FGD4: variants seen among roughly 807,000 people sequenced by gnomAD.
The protein encoded by FGD4 is FYVE, RhoGEF and PH domain containing 4, also known as FYVE, RhoGEF and PH domain-containing protein 4.
FGD4 carries 42 observed loss-of-function variants against 102.0 expected under a neutral mutation model. The ratio of observed to expected loss-of-function variants is 0.41; its 90% confidence interval spans 0.32 to 0.53. The LOEUF (loss-of-function observed/expected upper bound fraction) is 0.53, where lower values mean the gene tolerates loss of function less well. FGD4 is among the 20% of genes least tolerant of loss of function. The probability of loss-of-function intolerance (pLI) is 0.21; values close to 1 mark genes in which losing one functional copy is unlikely to be tolerated. For synonymous variants in FGD4, 380 were observed against 375.7 expected, an observed-to-expected ratio of 1.01 and a Z score of -0.13; for missense variants, 902 against 1,078.2, an observed-to-expected ratio of 0.84 and a Z score of 2.29.
chr12:32,481,127 CAAAAAAAAAAAAAAAAAA>C (rs1157108520), intron 1 of FGD4, among the ~76,000 whole-genome samples: 1 of 27,360 alleles, frequency 3.7e-5, no homozygotes, highest in African/African-American at 1.8e-4. Flanking sequence ...GACTCCGTCT[CAAAAAAAAAAAAAAAAAA>C]AAAAAAAAAA....
intron 2 of FGD4, among the ~76,000 whole-genome samples, chr12:32,572,691 A>G (rs1159328524): frequency 1.3e-5 from 2 of 152,194 alleles, no homozygotes; most frequent in African/African-American, 4.8e-5. Context: ...TGTCTATTTG[A>G]TAAAATTGTA....
chr12:32,527,957 C>G (rs1565806183), intron 1 of FGD4, among the ~76,000 whole-genome samples: 4 of 151,528 alleles, frequency 2.6e-5, no homozygotes, highest in African/African-American at 9.8e-5. Context: ...TTTCCTTTTT[C>G]TTTTTTCTTT....
intron 1 of FGD4, among the ~76,000 whole-genome samples, chr12:32,469,683 G>A (rs945439843): frequency 6.7e-6 from 1 of 148,944 alleles, no homozygotes; most frequent in Non-Finnish European, 1.5e-5. Flanking sequence ...TTTTGAGACG[G>A]AGTTTTGCTC....
intron 1 of FGD4, among the ~76,000 whole-genome samples, chr12:32,559,625 A>G (rs1944382005): frequency 6.6e-6 from 1 of 152,238 alleles, no homozygotes; most frequent in Non-Finnish European, 1.5e-5. Context: ...ATAGATGCAC[A>G]GTTGATCTCT....
intron 1 of FGD4, among the ~76,000 whole-genome samples, chr12:32,485,465 G>T (rs1443206700): frequency 1.7e-5 from 2 of 114,974 alleles, no homozygotes; most frequent in Non-Finnish European, 3.4e-5. Context: ...TTTTGAGACA[G>T]AGACTCGCCC....
chr12:32,563,989 T>C, intron 1 of FGD4, 148 bp from the exon 2 acceptor site: 1 of 730,916 alleles, frequency 1.4e-6, no homozygotes, highest in Non-Finnish European at 2.0e-6. Context: ...AGGGAGACCG[T>C]GGAAAGAGAG....
chr12:32,554,585 TA>T (rs1943946768), intron 1 of FGD4, among the ~76,000 whole-genome samples: 1 of 152,012 alleles, frequency 6.6e-6, no homozygotes, highest in South Asian at 2.1e-4. Context: ...AAACTGACAA[TA>T]AACAATAAAA....
chr12:32,564,260 A>C lies in FGD4; in HGVS notation c.290A>C (p.Lys97Thr). The C allele has an allele frequency of 6.5e-7, 1 of 1,536,042 alleles. No homozygotes were observed. The highest frequency in any genetic ancestry group is 8.7e-7 in the Non-Finnish European group (1 of 1,146,880). The stretch of plus-strand genomic sequence containing the variant: ...GGAATAAATGGGAACAGGCCAGCAA[A>C]ACACTCAGCTGCAAGTCCAAAGCCA... Reference protein sequence around the residue: ...AQGINGNRPAKHSAASPKPQV... With the variant: ...AQGINGNRPATHSAASPKPQV... Residue 97 changes from lysine (K) to threonine (T), a missense_variant, in exon 2 of 17, where the codon AAA becomes ACA. Physicochemically the swap from Lys to Thr is moderately conservative, Grantham distance 78 (BLOSUM62 -1). Around this residue, in one of 2 missense-constraint regions of FGD4, gnomAD observed 443 missense variants for 459.2 expected, o/e 0.96. Transcript: ENST00000534526.
intron 1 of FGD4, among the ~76,000 whole-genome samples, chr12:32,434,921 C>T (rs185116747): frequency 1.4e-3 from 207 of 151,742 alleles, no homozygotes; most frequent in African/African-American, 4.9e-3. Context: ...GGAGCAGCTT[C>T]GCTTCATTTC....
In FGD4 at chr12:32,480,503, G is replaced by GT. The variant is rs537133764; in HGVS notation, c.166+80551dup. Among the ~76,000 whole-genome samples the GT allele has an allele frequency of 2.7e-4, 41 of 149,308 alleles. No homozygotes were observed. In the East Asian group the frequency reaches 3.8e-3, roughly 14 times the overall value. ...TCTTTTTTCTTTTCTTTCTTTCTTT[G>GT]TTTTTTTCGTTTTTTTGAGACGGAG... On this transcript the variant is annotated intron_variant, in intron 1 of 16. Transcript: ENST00000534526.
At chr12:32,548,360 G>A (rs921202140) in intron 1 of FGD4, among the ~76,000 whole-genome samples, 25 of 152,114 alleles carry the variant, frequency 1.6e-4, no homozygotes, top group Admixed American at 9.2e-4. Flanking sequence ...ATATCTTTTC[G>A]CTACTTAGAA....
intron 1 of FGD4, among the ~76,000 whole-genome samples, chr12:32,555,815 C>G (rs11052066): frequency 0.34 from 51,525 of 151,402 alleles, 10,555 homozygotes; most frequent in African/African-American, 0.57. Context: ...CATGATTCAC[C>G]TGCCTCAGCC....
intron 7 of FGD4, among the ~76,000 whole-genome samples, chr12:32,602,530 C>T (rs540278799): frequency 1.3e-5 from 2 of 152,232 alleles, no homozygotes; most frequent in African/African-American, 4.8e-5. Context: ...GCTTTTGAGA[C>T]CAGCAGAGGA....
At chr12:32,428,651 A>C (rs973487981) in intron 1 of FGD4, among the ~76,000 whole-genome samples, 1 of 152,146 alleles carries the variant, frequency 6.6e-6, no homozygotes, top group Non-Finnish European at 1.5e-5. Context: ...TAATATCCTG[A>C]AGAGTGTTTT....
chr12:32,627,405 C>T (rs180904845), intron 14 of FGD4, among the ~76,000 whole-genome samples: 133 of 152,290 alleles, frequency 8.7e-4, no homozygotes, highest in African/African-American at 3.2e-3. Flanking sequence ...CTGCCCACCT[C>T]GGCCTCCCAA....
At chr12:32,467,841 C>A (rs1038337287) in intron 1 of FGD4, among the ~76,000 whole-genome samples, 1 of 151,982 alleles carries the variant, frequency 6.6e-6, no homozygotes, top group Admixed American at 6.6e-5. Context: ...CGTGGTGAAA[C>A]CCTGTCTCTA....
intron 1 of FGD4, among the ~76,000 whole-genome samples, chr12:32,401,832 T>G (rs1006113278): frequency 2.0e-5 from 3 of 149,334 alleles, no homozygotes; most frequent in African/African-American, 7.4e-5. Flanking sequence ...GGCTTCAAGA[T>G]TCTCCTGTCT....
In FGD4 at chr12:32,536,093, T is replaced by C. The variant is rs116430986; in HGVS notation, c.167-28044T>C. 2.8e-3 allele frequency among the ~76,000 whole-genome samples: 422 copies of C among 152,336 alleles called. 4 individuals are homozygous for C. Among genetic ancestry groups the C allele is most frequent in the African/African-American group, 9.7e-3 (402 of 41,592 alleles). Reference sequence around the variant, plus strand: ...TGTTATTTTATAACAGTTTTTTTTTTTTAATGACCTGAAAAAACTTCTCTT... The same window carrying C: ...TGTTATTTTATAACAGTTTTTTTTTCTTAATGACCTGAAAAAACTTCTCTT... On this transcript the variant is annotated intron_variant, in intron 1 of 16. Coordinates refer to ENST00000534526, the MANE Select transcript of FGD4 (RefSeq NM_001370298.3).
chr12:32,456,053 G>A (rs1373140703), intron 1 of FGD4, among the ~76,000 whole-genome samples: 3 of 152,112 alleles, frequency 2.0e-5, no homozygotes, highest in Non-Finnish European at 4.4e-5. Flanking sequence ...AACCCTGCAA[G>A]CATTACTGTC....
Sources: allele counts gnomAD v4.1 joint callset (sites outside exome capture counted in the v4.1 genomes callset), GRCh38; gene constraint gnomAD v4.1.1; regional missense constraint gnomAD v4.1.1; transcripts MANE v1.5; gene names NCBI Gene and HGNC (gene_info 2026-07-23, HGNC 2026-07-21).